Variants in GMDS observed in about 807,000 individuals in gnomAD.
The protein encoded by GMDS is GDP-mannose 4,6-dehydratase.
A neutral mutation model predicts 49.9 loss-of-function variants in GMDS; 20 were observed. That is an observed-to-expected ratio of 0.40 (90% CI 0.28 to 0.58). GMDS has a LOEUF of 0.58. Ranked by LOEUF, GMDS falls within the 20% of genes least tolerant of loss-of-function variation. The pLI, the probability that GMDS is intolerant of heterozygous loss-of-function variation, is 0.42. For synonymous variants in GMDS, 177 were observed against 178.6 expected (o/e 0.99, Z 0.07); for missense variants, 362 against 481.4 (o/e 0.75, Z 2.32).
intron 7 of GMDS, among the ~76,000 whole-genome samples, chr6:1,896,102 G>GGAT (rs1342171428): frequency 7.2e-5 from 11 of 152,132 alleles, no homozygotes; most frequent in African/African-American, 2.7e-4. Flanking sequence ...CTTGGCTTGA[G>GGAT]GATGATTATG....
intron 4 of GMDS, among the ~76,000 whole-genome samples, chr6:1,998,680 G>A (rs532286467): frequency 1.3e-5 from 2 of 152,202 alleles, no homozygotes; most frequent in Non-Finnish European, 2.9e-5. Flanking sequence ...CATTTATAAT[G>A]TATTAGGTAT....
chr6:1,993,855 G>T (rs1168460421), intron 4 of GMDS, among the ~76,000 whole-genome samples: 1 of 151,992 alleles, frequency 6.6e-6, no homozygotes, highest in Non-Finnish European at 1.5e-5. Context: ...TGCCTAAAAA[G>T]CTAGCTCTAG....
rs757277370 is a variant in GMDS at position 1,657,853 on chromosome 6, C to CAAAA, written c.988-33317_988-33314dup. Among the ~76,000 whole-genome samples, 229 of 62,768 alleles carry CAAAA rather than the reference C, an allele frequency of 3.6e-3. 2 individuals carry two copies. The highest frequency in any genetic ancestry group is 5.0e-3 in the Non-Finnish European group (164 of 33,000). 41.2% of individuals were successfully genotyped at this position (62,768 alleles called of 152,430 possible). A position where few individuals can be genotyped will look rare whatever the true frequency, so the allele number is the denominator to read the frequency against. ...AGATCCTTGTAACAAAGAACTCAAG[C>CAAAA]AAAAAAAAAAAAAAAAGAAAAAGAA... On this transcript the variant is annotated intron_variant, in intron 9 of 10. Coordinates refer to ENST00000380815, the MANE Select transcript of GMDS (RefSeq NM_001500.4).
intron 7 of GMDS, among the ~76,000 whole-genome samples, chr6:1,880,399 G>A (rs778489232): frequency 4.6e-5 from 7 of 151,960 alleles, no homozygotes; most frequent in Non-Finnish European, 1.0e-4. Flanking sequence ...TTGAGGGTGA[G>A]GAGGCCCTGA....
At chr6:2,143,398 C>A (rs1387664539) in intron 1 of GMDS, among the ~76,000 whole-genome samples, 1 of 152,234 alleles carries the variant, frequency 6.6e-6, no homozygotes, top group Non-Finnish European at 1.5e-5. Context: ...CTGCCATCCA[C>A]TCCCATCCCC....
At chr6:1,883,464 A>G (rs1759459633) in intron 7 of GMDS, among the ~76,000 whole-genome samples, 1 of 152,186 alleles carries the variant, frequency 6.6e-6, no homozygotes, top group African/African-American at 2.4e-5. Flanking sequence ...TTATACATTG[A>G]TTAATGGATT....
intron 7 of GMDS, among the ~76,000 whole-genome samples, chr6:1,923,905 T>A (rs951265819): frequency 6.6e-6 from 1 of 152,234 alleles, no homozygotes; most frequent in African/African-American, 2.4e-5. Context: ...GCTCTGTCTG[T>A]AACCTATGTA....
intron 9 of GMDS, among the ~76,000 whole-genome samples, chr6:1,655,492 CACAT>C (rs762249223): frequency 0.29 from 10,371 of 35,558 alleles, 511 homozygotes; most frequent in African/African-American, 0.35. Flanking sequence ...CACACACACA[CACAT>C]ACACACACAC....
chr6:2,243,840 CTTCTTTTTTTTTTTTTT>C (rs1471675294), intron 1 of GMDS, among the ~76,000 whole-genome samples: 2 of 127,128 alleles, frequency 1.6e-5, no homozygotes, highest in Non-Finnish European at 3.2e-5. Context: ...TCAACTTCTC[CTTCTTTTTTTTTTTTTT>C]TTTTTTTTTT....
chr6:1,720,646 G>A (rs1160131013), intron 9 of GMDS, among the ~76,000 whole-genome samples: 1 of 152,176 alleles, frequency 6.6e-6, no homozygotes, highest in Non-Finnish European at 1.5e-5. Flanking sequence ...CTTACAGAAC[G>A]AGTAGTCTCG....
chr6:1,748,067 A>C (rs779294730), intron 7 of GMDS, among the ~76,000 whole-genome samples: 1 of 152,226 alleles, frequency 6.6e-6, no homozygotes, highest in Non-Finnish European at 1.5e-5. Flanking sequence ...ATGTACTGAA[A>C]GAAAGAGGCA....
At chr6:2,128,848 G>C (rs1332382376) in intron 1 of GMDS, among the ~76,000 whole-genome samples, 1 of 152,190 alleles carries the variant, frequency 6.6e-6, no homozygotes, top group Admixed American at 6.5e-5. Flanking sequence ...AGGGAGAAAG[G>C]ATACAGCACC....
chr6:1,904,090 T>G (rs1433723074), intron 7 of GMDS, among the ~76,000 whole-genome samples: 1 of 152,132 alleles, frequency 6.6e-6, no homozygotes, highest in Admixed American at 6.5e-5. Context: ...GTTGAGCACG[T>G]GATGTCAGGA....
chr6:1,775,531 C>T (rs768677946), intron 7 of GMDS, among the ~76,000 whole-genome samples: 14 of 152,330 alleles, frequency 9.2e-5, no homozygotes, highest in Non-Finnish European at 1.9e-4. Context: ...ACATGATGTG[C>T]TTGGACCCAC....
At chr6:2,125,033 A>G (rs545223994) in intron 1 of GMDS, among the ~76,000 whole-genome samples, 21 of 152,322 alleles carry the variant, frequency 1.4e-4, no homozygotes, top group Non-Finnish European at 2.1e-4. Context: ...ATTTGGGTTT[A>G]GGTTTTGCCA....
At chr6:1,958,745 C>T (rs1234778260) in intron 6 of GMDS, among the ~76,000 whole-genome samples, 1 of 151,862 alleles carries the variant, frequency 6.6e-6, no homozygotes, top group Non-Finnish European at 1.5e-5. Context: ...TATATGCTTA[C>T]TAGTTGTTGG....
chr6:1,711,591 T>C (rs1180936733), intron 9 of GMDS, among the ~76,000 whole-genome samples: 1 of 152,230 alleles, frequency 6.6e-6, no homozygotes, highest in Non-Finnish European at 1.5e-5. Context: ...GCACCAAATC[T>C]GTGTATTTGT....
intron 4 of GMDS, among the ~76,000 whole-genome samples, chr6:2,073,196 G>A (rs1772117477): frequency 6.6e-6 from 1 of 152,156 alleles, no homozygotes. Flanking sequence ...CCCCGGAGAG[G>A]CACCTTTTCT....
chr6:2,059,175 CAAAAAAAA>C (rs55832305), intron 4 of GMDS, among the ~76,000 whole-genome samples: 11 of 30,002 alleles, frequency 3.7e-4, no homozygotes, highest in African/African-American at 1.3e-3. Context: ...TCCTCTGTCT[CAAAAAAAA>C]AAAAAAAAAA....
Sources: gnomAD v4.1 joint callset for allele counts (sites outside exome capture counted in the v4.1 genomes callset) on GRCh38, gnomAD v4.1.1 for gene constraint, MANE v1.5 for transcripts, NCBI Gene and HGNC (gene_info 2026-07-23, HGNC 2026-07-21) for gene names.